Variants in TDP2 observed in about 807,000 individuals in gnomAD.
The protein encoded by TDP2 is tyrosyl-DNA phosphodiesterase 2.
TDP2 carries 38 observed loss-of-function variants against 42.8 expected under a neutral mutation model. The ratio of observed to expected loss-of-function variants is 0.89; its 90% CI spans 0.68 to 1.16. The LOEUF (loss-of-function observed/expected upper bound fraction) is 1.16. Among genes scored for constraint, TDP2 ranks in the 50% most tolerant of loss-of-function variants. The pLI is 0.00. For missense variants in TDP2, 439 were observed against 439.3 expected, an observed-to-expected ratio of 1.00 and a Z score of 0.01; for synonymous variants, 173 against 150.6, an observed-to-expected ratio of 1.15 and a Z score of -1.09.
intron 2 of TDP2, among the ~76,000 whole-genome samples, chr6:24,660,528 G>A (rs1778124442): frequency 6.6e-6 from 1 of 152,116 alleles, no homozygotes; most frequent in African/African-American, 2.4e-5. Flanking sequence ...TAATCTTATG[G>A]GATCATCTTC....
intron 4 of TDP2, among the ~76,000 whole-genome samples, chr6:24,655,665 T>C (rs1778050568): frequency 6.6e-6 from 1 of 152,188 alleles, no homozygotes; most frequent in Non-Finnish European, 1.5e-5. Flanking sequence ...CCACGGCTGA[T>C]AGGTGAATAG....
In TDP2 at chr6:24,650,631, C is replaced by G; in HGVS notation, c.*157G>C. On this transcript the variant is annotated 3_prime_UTR_variant, in exon 7 of 7. Coordinates refer to ENST00000378198, the MANE Select transcript of TDP2 (RefSeq NM_016614.3). ...TGTGTTCGTTTAAATAAACATTAAT[C>G]TTTAATGTTGAATTCTGAAAACACA... 1 of 717,224 alleles carries G rather than the reference C, an allele frequency of 1.4e-6. No individual in the cohort carries two copies. Among genetic ancestry groups the G allele is most frequent in the Non-Finnish European group, 2.2e-6 (1 of 444,646 alleles). The allele number at this position is 717,224 out of a possible 1,614,324, so 44.4% of individuals were successfully genotyped here. A position where few individuals can be genotyped will look rare whatever the true frequency, so the allele number is the denominator to read the frequency against.
At position 24,666,631 on chromosome 6, in the gene TDP2, G is replaced by A. The variant is rs1400924786; in HGVS notation, c.166-20C>T. 1.9e-6 allele frequency: 3 copies of A among 1,614,184 alleles called. No homozygotes were observed. Among genetic ancestry groups the A allele is most frequent in the Non-Finnish European group, 8.5e-7 (1 of 1,179,986 alleles). The stretch of plus-strand genomic sequence containing the variant: ...AGCCCTCTGAAAAACAAAGGCACAA[G>A]GGATGAGGTTTGTGCGCTCCACCGA... On this transcript the variant is annotated intron_variant, in intron 1 of 6. Coordinates refer to ENST00000378198, the MANE Select transcript of TDP2 (RefSeq NM_016614.3).
intron 6 of TDP2, 77 bp downstream of exon 6, chr6:24,652,906 G>T: frequency 6.6e-7 from 1 of 1,517,590 alleles, no homozygotes; most frequent in Non-Finnish European, 9.1e-7. Context: ...AGTTTTAACA[G>T]CTTTGGTCAA....
chr6:24,655,641 G>C (rs1232294472), intron 4 of TDP2, among the ~76,000 whole-genome samples: 1 of 152,126 alleles, frequency 6.6e-6, no homozygotes, highest in Non-Finnish European at 1.5e-5. Flanking sequence ...ACAGGGAGGG[G>C]CATGCATGTT....
intron 2 of TDP2, among the ~76,000 whole-genome samples, chr6:24,659,688 C>G: frequency 6.6e-6 from 1 of 152,156 alleles, no homozygotes; most frequent in East Asian, 1.9e-4. Flanking sequence ...CTCATTGTGG[C>G]AGATAAATAG....
chr6:24,650,864 C>A lies in TDP2; in HGVS notation c.1013G>T (p.Gly338Val). The stretch of plus-strand genomic sequence containing the variant: ...TCTACCACAGTCCAGTTTTTCTAAT[C>A]CAAGAAGGTCCAAACTTCGGGGAAT... The part of the protein sequence containing the change: ...HIIPRSLDLL[G>V]LEKLDCGRFP... The change falls in exon 7 of 7, where the codon GGA (glycine) becomes GTA (valine). Residue 338 changes from glycine to valine, a missense_variant. Transcript: ENST00000378198. 1.2e-6 allele frequency: 2 copies of A among 1,614,170 alleles called. No homozygotes were observed. The highest frequency in any genetic ancestry group is 8.5e-7 in the Non-Finnish European group (1 of 1,180,006).
chr6:24,666,662 G>A (rs1778249169), intron 1 of TDP2, 36 bp downstream of exon 1: 1 of 1,614,156 alleles, frequency 6.2e-7, no homozygotes, highest in Non-Finnish European at 8.5e-7. Flanking sequence ...ACCGACCTAG[G>A]TAATGGAGCC....
chr6:24,664,560 C>G (rs1778202408), intron 2 of TDP2, among the ~76,000 whole-genome samples: 1 of 151,964 alleles, frequency 6.6e-6, no homozygotes. Flanking sequence ...TGTTGATATC[C>G]CAGGAATTCA....
At position 24,666,833 on chromosome 6, in the gene TDP2, C is replaced by T. The variant is rs770061117; in HGVS notation, c.30G>A (p.Gly10=). 7 of 1,614,028 alleles carry T rather than the reference C, an allele frequency of 4.3e-6. No individual in the cohort carries two copies. Among genetic ancestry groups the T allele is most frequent in the Non-Finnish European group, 5.9e-6 (7 of 1,180,048 alleles). Residue 10 remains glycine (G), a synonymous_variant, in exon 1 of 7, where the codon GGG becomes GGA. Coordinates refer to ENST00000378198, the MANE Select transcript of TDP2 (RefSeq NM_016614.3). MELGSCLEG[G]REAAEEEGEP... ...CGCCCTCTTCCTCCGCCGCCTCCCTCCCGCCCTCCAGGCAACTCCCCAACT... is the reference window on the plus strand; with the variant it reads ...CGCCCTCTTCCTCCGCCGCCTCCCTTCCGCCCTCCAGGCAACTCCCCAACT...
intron 2 of TDP2, chr6:24,665,848 G>A (rs1272206106): frequency 2.7e-6 from 1 of 365,920 alleles, no homozygotes; most frequent in Non-Finnish European, 4.8e-6. Context: ...GGGGCTTTAA[G>A]ACAAATATTA....
intron 2 of TDP2, among the ~76,000 whole-genome samples, chr6:24,662,579 C>T (rs751453485): frequency 2.0e-5 from 3 of 150,504 alleles, no homozygotes; most frequent in Non-Finnish European, 2.9e-5. Flanking sequence ...CTAGTCCTGT[C>T]GCATCCCCCT....
chr6:24,651,000 A>C lies in TDP2; in HGVS notation c.877T>G (p.Cys293Gly), dbSNP rs544356367. Residue 293 changes from cysteine (C) to glycine (G), a missense_variant, in exon 7 of 7, where the codon TGC becomes GGC. Transcript: ENST00000378198. The part of the protein sequence containing the change: ...VWEFLGKPKH[C>G]QYTWDTQMNS... Reference sequence around the variant, plus strand: ...ATTTGTGTATCCCATGTATACTGGCAATGTTTAGGTTTGCCCAAAAACTCC... The same window carrying C: ...ATTTGTGTATCCCATGTATACTGGCCATGTTTAGGTTTGCCCAAAAACTCC... 6.2e-6 allele frequency: 10 copies of C among 1,614,070 alleles called. No individual in the cohort carries two copies. The East Asian group carries it at 1.8e-4, about 29-fold the overall frequency.
intron 6 of TDP2, 40 bp from the exon 7 acceptor site, chr6:24,651,109 T>C (rs776204631): frequency 7.0e-7 from 1 of 1,420,800 alleles, no homozygotes; most frequent in Non-Finnish European, 9.4e-7. Context: ...ACACATAGCC[T>C]TTTGCCCACT....
Position 24,666,585 on chromosome 6 carries a change from A to G in TDP2, c.192T>C (p.Pro64=). Residue 64 remains proline, a synonymous_variant, in exon 2 of 7, where the codon CCT becomes CCC. Transcript: ENST00000378198. ...GTTCCAAGGCGCTCTCCTCCACCGG[A>G]GGCTCGAAGTAGGAGTTCAGAGCCC... ...MERALNSYFE[P]PVEESALERR... is the part of the protein sequence containing the mutation. 6.2e-7 allele frequency: 1 copy of G among 1,614,154 alleles called. No individual in the cohort carries two copies. Among genetic ancestry groups the G allele is most frequent in the Non-Finnish European group, 8.5e-7 (1 of 1,180,010 alleles).
At chr6:24,651,124 TAAAAA>T (rs11370284) in intron 6 of TDP2, 55 bp from the exon 7 acceptor site, 15 of 995,282 alleles carry the variant, frequency 1.5e-5, no homozygotes, top group African/African-American at 5.3e-5. Flanking sequence ...CCCACTAACT[TAAAAA>T]AAAAAAAAAA....
In TDP2 at chr6:24,650,612, C is replaced by T. The variant is rs548963021; in HGVS notation, c.*176G>A. The T allele has an allele frequency of 1.3e-4, 86 of 657,404 alleles. No homozygotes were observed. The highest frequency in any genetic ancestry group is 9.7e-4 in the East Asian group (35 of 35,958). 40.7% of individuals were successfully genotyped at this position (657,404 alleles called of 1,614,324 possible). On this transcript the variant is annotated 3_prime_UTR_variant, in exon 7 of 7. Coordinates refer to ENST00000378198, the MANE Select transcript of TDP2 (RefSeq NM_016614.3). The stretch of plus-strand genomic sequence containing the variant: ...CACATCCTGAATGCAGGAATGTGTT[C>T]GTTTAAATAAACATTAATCTTTAAT...
chr6:24,665,645 T>C (rs1778218045), intron 2 of TDP2, among the ~76,000 whole-genome samples: 1 of 152,176 alleles, frequency 6.6e-6, no homozygotes, highest in South Asian at 2.1e-4. Flanking sequence ...AAATTAACAA[T>C]GTACAAAACA....
chr6:24,652,940 G>A (rs780190952), intron 6 of TDP2, 43 bp downstream of exon 6: 1 of 1,601,306 alleles, frequency 6.2e-7, no homozygotes, highest in Admixed American at 1.7e-5. Context: ...AGTCTCCATA[G>A]CAATAATCTG....
Sources: gnomAD v4.1 joint callset for allele counts (sites outside exome capture counted in the v4.1 genomes callset) on GRCh38, gnomAD v4.1.1 for gene constraint, MANE v1.5 for transcripts, NCBI Gene and HGNC (gene_info 2026-07-23, HGNC 2026-07-21) for gene names.